Variants in EYS observed in about 807,000 individuals in gnomAD.
The protein encoded by EYS is EGF-like photoreceptor maintenance factor, also known as protein eyes shut homolog.
In EYS, 250 loss-of-function variants were observed where a neutral mutation model predicts 282.1. The ratio of observed to expected loss-of-function variants is 0.89; its 90% CI spans 0.80 to 0.98. EYS has a LOEUF of 0.98. Among genes scored for constraint, EYS ranks in the 50% least tolerant of loss-of-function variants. EYS has a pLI of 0.00. For missense variants in EYS, 4,016 were observed against 3,709.0 expected, an observed-to-expected ratio of 1.08 and a Z score of -2.15; for synonymous variants, 1,355 against 1,282.9, an observed-to-expected ratio of 1.06 and a Z score of -1.20.
chr6:63,969,149 C>T (rs1181895865), intron 35 of EYS, among the ~76,000 whole-genome samples: 1 of 152,068 alleles, frequency 6.6e-6, no homozygotes, highest in African/African-American at 2.4e-5. Context: ...TCCTCATCCC[C>T]CCCTTAAGCT....
intron 22 of EYS, among the ~76,000 whole-genome samples, chr6:64,775,196 A>G (rs1406046837): frequency 6.6e-6 from 1 of 151,988 alleles, no homozygotes; most frequent in East Asian, 1.9e-4. Flanking sequence ...AAACAGACAA[A>G]CAAAACAAGT....
chr6:64,049,632 G>GA (rs1442213756), intron 33 of EYS, among the ~76,000 whole-genome samples: 1 of 152,072 alleles, frequency 6.6e-6, no homozygotes, highest in African/African-American at 2.4e-5. Context: ...CAGACTTTTG[G>GA]AAAAGACATC....
At chr6:64,950,834 T>TATAAA (rs1491182951) in intron 14 of EYS, among the ~76,000 whole-genome samples, 1 of 81,198 alleles carries the variant, frequency 1.2e-5, no homozygotes, top group Admixed American at 1.6e-4. Context: ...TATATATATA[T>TATAAA]TGTTGAATTG....
intron 2 of EYS, among the ~76,000 whole-genome samples, chr6:65,638,427 G>A (rs571092623): frequency 2.0e-5 from 3 of 152,320 alleles, no homozygotes; most frequent in South Asian, 2.1e-4. Flanking sequence ...TGCTGTGGGC[G>A]ATGAAAAGGA....
At chr6:65,282,356 A>T (rs2150276367) in intron 12 of EYS, among the ~76,000 whole-genome samples, 1 of 152,116 alleles carries the variant, frequency 6.6e-6, no homozygotes. Flanking sequence ...TATAAAAAGT[A>T]CCGATTTACA....
intron 5 of EYS, among the ~76,000 whole-genome samples, chr6:65,441,471 T>C (rs1325214945): frequency 1.3e-5 from 2 of 152,008 alleles, no homozygotes; most frequent in Non-Finnish European, 2.9e-5. Flanking sequence ...TCCTCTGATA[T>C]GGAATGACAA....
intron 11 of EYS, among the ~76,000 whole-genome samples, chr6:65,302,070 C>A (rs1451338342): frequency 6.6e-6 from 1 of 152,206 alleles, no homozygotes; most frequent in East Asian, 1.9e-4. Context: ...GATCCTTTGA[C>A]TCTCAAGTTC....
At chr6:65,522,804 C>G (rs1384563385) in intron 2 of EYS, among the ~76,000 whole-genome samples, 2 of 152,092 alleles carry the variant, frequency 1.3e-5, no homozygotes, top group African/African-American at 4.8e-5. Context: ...TCTAATGCAT[C>G]TGAAAATTTT....
At chr6:65,333,639 C>A in intron 11 of EYS, among the ~76,000 whole-genome samples, 1 of 151,332 alleles carries the variant, frequency 6.6e-6, no homozygotes, top group East Asian at 2.0e-4. Context: ...AATATTAGAG[C>A]CTCTAATTGT....
chr6:65,627,568 C>T (rs1055981498), intron 2 of EYS, among the ~76,000 whole-genome samples: 3 of 152,114 alleles, frequency 2.0e-5, no homozygotes, highest in East Asian at 1.9e-4. Context: ...GCCGCGCTTG[C>T]GGGCCAGCTG....
intron 22 of EYS, among the ~76,000 whole-genome samples, chr6:64,754,655 T>G (rs1447164625): frequency 1.3e-5 from 2 of 152,140 alleles, no homozygotes; most frequent in African/African-American, 4.8e-5. Flanking sequence ...TAGGTTTCAT[T>G]CCAGTTACAG....
chr6:65,668,232 C>T (rs1460802247), intron 1 of EYS, among the ~76,000 whole-genome samples: 1 of 151,854 alleles, frequency 6.6e-6, no homozygotes, highest in African/African-American at 2.4e-5. Context: ...ACTGTTGTGA[C>T]TAACATGCTT....
At chr6:63,741,876 C>A (rs188398621) in intron 41 of EYS, 1 of 701,468 alleles carries the variant, frequency 1.4e-6, no homozygotes, top group South Asian at 1.5e-5. Context: ...TCAGGGTAGT[C>A]GTATGTTTTT....
chr6:65,000,896 A>G (rs1771441744), intron 13 of EYS, among the ~76,000 whole-genome samples: 1 of 152,232 alleles, frequency 6.6e-6, no homozygotes, highest in Non-Finnish European at 1.5e-5. Flanking sequence ...TTGTCCTGTA[A>G]TAAATACTAT....
chr6:64,242,995 CTAAT>C (rs1766885355), intron 30 of EYS, among the ~76,000 whole-genome samples: 1 of 143,898 alleles, frequency 6.9e-6, no homozygotes, highest in East Asian at 2.0e-4. Context: ...TTGATATAAA[CTAAT>C]TATAATTTAT....
At chr6:63,985,398 T>C (rs1329516757) in intron 34 of EYS, among the ~76,000 whole-genome samples, 1 of 151,732 alleles carries the variant, frequency 6.6e-6, no homozygotes, top group Non-Finnish European at 1.5e-5. Context: ...CTGTAAGAAC[T>C]GTAAGACATT....
chr6:65,138,173 G>GA, intron 12 of EYS, among the ~76,000 whole-genome samples: 1 of 152,042 alleles, frequency 6.6e-6, no homozygotes, highest in South Asian at 2.1e-4. Flanking sequence ...TCCTATTGAG[G>GA]AAAAAATTAA....
intron 31 of EYS, among the ~76,000 whole-genome samples, chr6:64,133,433 G>C (rs937257174): frequency 1.3e-5 from 2 of 150,552 alleles, no homozygotes; most frequent in Non-Finnish European, 3.0e-5. Flanking sequence ...TTATCTGTGG[G>C]TTTTCTAAGA....
chr6:64,964,019 G>T (rs1218894490), intron 14 of EYS, among the ~76,000 whole-genome samples: 21 of 151,946 alleles, frequency 1.4e-4, no homozygotes. Flanking sequence ...AGATTAGAAA[G>T]CAATGGTTAT....
Sources: allele counts gnomAD v4.1 joint callset (sites outside exome capture counted in the v4.1 genomes callset), GRCh38; gene constraint gnomAD v4.1.1; transcripts MANE v1.5; gene names NCBI Gene and HGNC (gene_info 2026-07-23, HGNC 2026-07-21).